MOXD1: variants seen among roughly 807,000 people sequenced by gnomAD.
The protein encoded by MOXD1 is monooxygenase DBH like 1, also known as DBH-like monooxygenase protein 1.
A neutral mutation model predicts 66.6 loss-of-function variants in MOXD1; 62 were observed. That is an observed-to-expected ratio of 0.93 (90% CI 0.76 to 1.15). The LOEUF is 1.15. Ranked by LOEUF, MOXD1 falls within the 50% of genes most tolerant of loss-of-function variation. MOXD1 has a pLI of 0.00. For missense variants in MOXD1, 847 were observed against 754.6 expected, an observed-to-expected ratio of 1.12 and a Z score of -1.44; for synonymous variants, 303 against 281.9, an observed-to-expected ratio of 1.07 and a Z score of -0.75.
intron 9 of MOXD1, 54 bp from the exon 10 acceptor site, chr6:132,315,831 TAAAGCA>T (rs780765192): frequency 4.5e-6 from 7 of 1,547,368 alleles, no homozygotes; most frequent in Non-Finnish European, 6.2e-6. Context: ...CTTTGACATT[TAAAGCA>T]CACAAGTCAT....
chr6:132,315,179 C>G (rs1582565348), intron 10 of MOXD1, among the ~76,000 whole-genome samples: 1 of 152,176 alleles, frequency 6.6e-6, no homozygotes, highest in African/African-American at 2.4e-5. Context: ...CTCCAAAAAA[C>G]TCTGGGCACT....
intron 9 of MOXD1, among the ~76,000 whole-genome samples, chr6:132,318,073 A>G (rs1442634516): frequency 6.6e-6 from 1 of 152,136 alleles, no homozygotes; most frequent in Non-Finnish European, 1.5e-5. Flanking sequence ...TTCATTAAAT[A>G]ATACCACATT....
In MOXD1 at chr6:132,372,322, C is replaced by T. The variant is rs190237693; in HGVS notation, c.663+286G>A. 5.5e-3 allele frequency among the ~76,000 whole-genome samples: 831 copies of T among 152,140 alleles called. 9 individuals carry two copies. Among genetic ancestry groups the T allele is most frequent in the African/African-American group, 0.019 (788 of 41,502 alleles). ...ATTTTAAATTGCAATTCCAGTAATT[C>T]CAATTGTAGAAATGTTGCCTAAAAT... On this transcript the variant is annotated intron_variant, in intron 4 of 11. Coordinates refer to ENST00000367963, the MANE Select transcript of MOXD1 (RefSeq NM_015529.4).
chr6:132,369,585 G>A (rs1351469685), intron 4 of MOXD1, among the ~76,000 whole-genome samples: 4 of 151,834 alleles, frequency 2.6e-5, no homozygotes, highest in African/African-American at 9.7e-5. Context: ...CTTGTGCTTT[G>A]GGGTGCATTG....
At chr6:132,373,145 T>C (rs2114662984) in intron 2 of MOXD1, 148 bp from the exon 3 acceptor site, 2 of 738,374 alleles carry the variant, frequency 2.7e-6, no homozygotes, top group Middle Eastern at 4.2e-4. Context: ...GTCTCTAATA[T>C]TAATTGCACA....
rs36075540 is a variant in MOXD1 at position 132,315,681 on chromosome 6, C to G, written c.1462G>C (p.Glu488Gln). Residue 488 changes from glutamate to glutamine, a missense_variant, in exon 10 of 12, where the codon GAA (glutamate) becomes CAA (glutamine). Transcript: ENST00000367963. The stretch of plus-strand genomic sequence containing the variant: ...TTAACCCCAATGAACTGAAGTTGTT[C>G]CATAATGTCTGGAATACTTGCACAT... Reference protein sequence around the residue: ...TRCASIPDIMEQLQFIGVKEI... With the variant: ...TRCASIPDIMQQLQFIGVKEI... 68,820 of 1,613,244 alleles carry G rather than the reference C, an allele frequency of 0.043. 1,764 individuals carry two copies. Among genetic ancestry groups the G allele is most frequent in the Non-Finnish European group, 0.052 (61,207 of 1,179,464 alleles).
rs548956098 is a variant in MOXD1 at position 132,374,813 on chromosome 6, T to C, written c.265-36A>G. 6.6e-5 allele frequency: 104 copies of C among 1,572,666 alleles called. 1 individual carries two copies. In the African/African-American group the frequency reaches 7.3e-4, roughly 11 times the overall value. On this transcript the variant is annotated intron_variant, in intron 1 of 11. Coordinates refer to ENST00000367963, the MANE Select transcript of MOXD1 (RefSeq NM_015529.4). ...TATGGAAAAGAAAAATCAGGATACC[T>C]AAATACAGAGAGAAAAGAATTCATA...
At chr6:132,350,755 AG>A (rs1213904227) in intron 4 of MOXD1, among the ~76,000 whole-genome samples, 1 of 152,224 alleles carries the variant, frequency 6.6e-6, no homozygotes, top group Non-Finnish European at 1.5e-5. Flanking sequence ...CCCATCCATA[AG>A]CATGGGATGT....
At position 132,328,490 on chromosome 6, in the gene MOXD1, C is replaced by T. The variant is rs151243291; in HGVS notation, c.768G>A (p.Glu256=). ...CATCGGGCATGTTGGGGTGATAGCACTCGTGGCCGGACTCCAGAACGCTGT... is the reference window on the plus strand; with the variant it reads ...CATCGGGCATGTTGGGGTGATAGCATTCGTGGCCGGACTCCAGAACGCTGT... ...FNDSVLESGH[E]CYHPNMPDAF... The change falls in exon 5 of 12, where the codon GAG becomes GAA. Residue 256 remains glutamate (E), a synonymous_variant. Transcript: ENST00000367963. 152 of 1,614,148 alleles carry T rather than the reference C, an allele frequency of 9.4e-5. No homozygotes were observed. The African/African-American group carries it at 1.6e-3, about 17-fold the overall frequency.
chr6:132,300,935 C>T (rs956215469), intron 10 of MOXD1, among the ~76,000 whole-genome samples: 2 of 152,052 alleles, frequency 1.3e-5, no homozygotes, highest in African/African-American at 4.8e-5. Context: ...CATCTCTAAC[C>T]TTTCTAGCCT....
intron 4 of MOXD1, among the ~76,000 whole-genome samples, chr6:132,351,575 T>A (rs1415165650): frequency 6.6e-6 from 1 of 152,198 alleles, no homozygotes; most frequent in African/African-American, 2.4e-5. Flanking sequence ...GCATCTAAGT[T>A]CATTGGTTAT....
At chr6:132,342,308 C>T (rs972139953) in intron 4 of MOXD1, among the ~76,000 whole-genome samples, 2 of 152,204 alleles carry the variant, frequency 1.3e-5, no homozygotes, top group East Asian at 1.9e-4. Flanking sequence ...CCCAAATCAA[C>T]TTTTAATCTA....
intron 1 of MOXD1, among the ~76,000 whole-genome samples, chr6:132,396,278 A>T (rs1776869581): frequency 6.6e-6 from 1 of 152,050 alleles, no homozygotes. Flanking sequence ...TAAACAACAT[A>T]CTCCTGAATG....
chr6:132,324,232 A>G (rs2114575372), intron 6 of MOXD1, 135 bp from the exon 7 acceptor site: 1 of 885,324 alleles, frequency 1.1e-6, no homozygotes, highest in Non-Finnish European at 1.7e-6. Context: ...ATAAACTGTC[A>G]TGAGGGAAAG....
chr6:132,296,207 T>G lies in MOXD1; in HGVS notation c.*946A>C. ...TGACAATTTAAAGTCATTTATTAAC[T>G]AATATAAAAATAAATCTACAATAGA... On this transcript the variant is annotated 3_prime_UTR_variant, in exon 12 of 12. Transcript: ENST00000367963. 1 of 152,254 alleles carries G rather than the reference T, an allele frequency of 6.6e-6. No individual in the cohort carries two copies. Among genetic ancestry groups the G allele is most frequent in the Middle Eastern group, 3.4e-3 (1 of 294 alleles). 9.4% of individuals were successfully genotyped at this position (152,254 alleles called of 1,614,324 possible). A position where few individuals can be genotyped will look rare whatever the true frequency, so the allele number is the denominator to read the frequency against.
At chr6:132,335,259 A>G (rs1295409121) in intron 4 of MOXD1, among the ~76,000 whole-genome samples, 1 of 151,594 alleles carries the variant, frequency 6.6e-6, no homozygotes, top group Admixed American at 6.6e-5. Context: ...CTAAACAATA[A>G]TGCTGGCTGA....
chr6:132,384,162 C>T (rs2114680574), intron 1 of MOXD1, among the ~76,000 whole-genome samples: 1 of 152,066 alleles, frequency 6.6e-6, no homozygotes, highest in South Asian at 2.1e-4. Context: ...TCCTTCCCTC[C>T]CTTTCTTCCT....
chr6:132,372,604 ATACCTTTAT>A lies in MOXD1; in HGVS notation c.658_663+3del. On this transcript the variant is annotated splice_donor_variant and splice_donor_region_variant and coding_sequence_variant and intron_variant, in exon 4 of 12. Coordinates refer to ENST00000367963, the MANE Select transcript of MOXD1 (RefSeq NM_015529.4). LOFTEE classifies it high-confidence loss of function. ...TAATTTTAGCCTATGAATGAGTCACATACCTTTATTACATGATGCTTTTCTTGGAACACA... is the reference window on the plus strand; with the variant it reads ...TAATTTTAGCCTATGAATGAGTCACATACATGATGCTTTTCTTGGAACACA... The A allele has an allele frequency of 6.2e-7, 1 of 1,607,076 alleles. No homozygotes were observed. Among genetic ancestry groups the A allele is most frequent in the South Asian group, 1.1e-5 (1 of 90,942 alleles).
intron 4 of MOXD1, among the ~76,000 whole-genome samples, chr6:132,339,965 G>T (rs1775516823): frequency 6.6e-6 from 1 of 151,164 alleles, no homozygotes; most frequent in Admixed American, 6.6e-5. Flanking sequence ...TGCCTCCCCG[G>T]TTCAAGTAAT....
Sources: gnomAD v4.1 joint callset for allele counts (sites outside exome capture counted in the v4.1 genomes callset) on GRCh38, gnomAD v4.1.1 for gene constraint, MANE v1.5 for transcripts, NCBI Gene and HGNC (gene_info 2026-07-23, HGNC 2026-07-21) for gene names.